The following CBL variants were observed in gnomAD, a reference collection of about 807,000 sequenced individuals.
The protein encoded by CBL is Cbl proto-oncogene, also known as E3 ubiquitin-protein ligase CBL.
CBL carries 45 observed loss-of-function variants against 96.9 expected under a neutral mutation model. That is an observed-to-expected ratio of 0.46 (90% CI 0.37 to 0.60). CBL has a LOEUF of 0.60. CBL is among the 20% of genes least tolerant of loss of function. The pLI is 0.00. For missense variants in CBL, 1,024 were observed against 1,143.5 expected (o/e 0.90, Z 1.51); for synonymous variants, 420 against 426.8 (o/e 0.98, Z 0.20).
In CBL at chr11:119,230,085, A is replaced by C. The variant is rs189543185; in HGVS notation, c.196-2363A>C. On this transcript the variant is annotated intron_variant, in intron 1 of 15. Coordinates refer to ENST00000264033, the MANE Select transcript of CBL (RefSeq NM_005188.4). ...ATATGTTATTGTCTATCCATAGACT[A>C]GAATTATTTAAATATCTCAAAAAAG... Among the ~76,000 whole-genome samples, 254 of 152,352 alleles carry C rather than the reference A, an allele frequency of 1.7e-3. 1 individual carries two copies. Among genetic ancestry groups the C allele is most frequent in the African/African-American group, 5.8e-3 (242 of 41,592 alleles).
chr11:119,247,529 T>C (rs144670669), intron 2 of CBL, among the ~76,000 whole-genome samples: 20 of 152,264 alleles, frequency 1.3e-4, no homozygotes, highest in African/African-American at 4.6e-4. Context: ...AGAAATCATT[T>C]GCCGGGTGTG....
At chr11:119,297,180 A>G in intron 13 of CBL, 146 bp downstream of exon 13, 1 of 762,944 alleles carries the variant, frequency 1.3e-6, no homozygotes, top group Admixed American at 1.8e-5. Context: ...TTAATGGTTT[A>G]AGCCTTTTGT....
intron 2 of CBL, among the ~76,000 whole-genome samples, chr11:119,242,128 G>A (rs1043816994): frequency 3.9e-5 from 6 of 152,110 alleles, no homozygotes; most frequent in Middle Eastern, 3.2e-3. Context: ...GACTAGGGAG[G>A]AGGAATTTAA....
intron 1 of CBL, among the ~76,000 whole-genome samples, chr11:119,212,423 C>T (rs1213048245): frequency 3.4e-5 from 5 of 146,160 alleles, no homozygotes; most frequent in Middle Eastern, 4.3e-3. Flanking sequence ...GTCAGGAGTT[C>T]AAGACCAGCC....
chr11:119,207,093 C>G (rs1394791135), intron 1 of CBL, among the ~76,000 whole-genome samples: 1 of 152,046 alleles, frequency 6.6e-6, no homozygotes, highest in Non-Finnish European at 1.5e-5. Flanking sequence ...AGGAACCTGG[C>G]TGGGGTCAGG....
chr11:119,229,709 A>G (rs773686538), intron 1 of CBL, among the ~76,000 whole-genome samples: 1 of 151,414 alleles, frequency 6.6e-6, no homozygotes, highest in African/African-American at 2.4e-5. Flanking sequence ...TTTTCATATT[A>G]TCATTTGAAG....
chr11:119,268,086 G>A (rs536610379), intron 2 of CBL, among the ~76,000 whole-genome samples: 51 of 152,334 alleles, frequency 3.3e-4, no homozygotes, highest in African/African-American at 8.9e-4. Context: ...AAGTTAGTTA[G>A]AAAGATAGGT....
chr11:119,261,709 T>A (rs2135288258), intron 2 of CBL, among the ~76,000 whole-genome samples: 1 of 152,378 alleles, frequency 6.6e-6, no homozygotes, highest in African/African-American at 2.4e-5. Context: ...CATGTAATTC[T>A]ACTTATTAAA....
chr11:119,243,089 C>A (rs1438822152), intron 2 of CBL, among the ~76,000 whole-genome samples: 2 of 151,942 alleles, frequency 1.3e-5, no homozygotes, highest in East Asian at 3.9e-4. Context: ...AACAGTCTGG[C>A]CAATGTAGTG....
chr11:119,227,364 T>A (rs148166230), intron 1 of CBL, among the ~76,000 whole-genome samples: 7 of 152,240 alleles, frequency 4.6e-5, no homozygotes, highest in African/African-American at 1.7e-4. Flanking sequence ...GGAATGTAAC[T>A]CCATTGTAAA....
Position 119,285,325 on chromosome 11 carries a change from G to T in CBL, c.1700G>T (p.Cys567Phe). ...ESRPQRRPLP[C>F]TPGDCPSRDK... ...CGACCTCAAAGACGCCCCTTGCCTT[G>T]TACACCAGGCGACTGTCCCTCCAGA... The change falls in exon 11 of 16, where the codon TGT (cysteine) becomes TTT (phenylalanine). Residue 567 changes from cysteine to phenylalanine, a missense_variant. Transcript: ENST00000264033. 6.2e-7 allele frequency: 1 copy of T among 1,614,086 alleles called. No homozygotes were observed.
rs1008027806 is a variant in CBL at position 119,305,194 on chromosome 11, A to G, written c.*5413A>G. 4.4e-6 allele frequency: 1 copy of G among 228,692 alleles called. No homozygotes were observed. Among genetic ancestry groups the G allele is most frequent in the African/African-American group, 2.2e-5 (1 of 45,096 alleles). 14.2% of individuals were successfully genotyped at this position (228,692 alleles called of 1,614,324 possible). On this transcript the variant is annotated 3_prime_UTR_variant, in exon 16 of 16. Transcript: ENST00000264033. ...GGACATCATAGAAATTCTTAGGTTT[A>G]ACTTAATTCTGGTCATTGTCTTCTT... is the stretch of plus-strand genomic sequence containing the variant.
Position 119,228,164 on chromosome 11 carries a change from A to G in CBL, c.196-4284A>G, listed in dbSNP as rs1223845186. Among the ~76,000 whole-genome samples, 5 of 151,798 alleles carry G rather than the reference A, an allele frequency of 3.3e-5. No individual in the cohort carries two copies. The South Asian group carries it at 6.2e-4, about 19-fold the overall frequency. On this transcript the variant is annotated intron_variant, in intron 1 of 15. Coordinates refer to ENST00000264033, the MANE Select transcript of CBL (RefSeq NM_005188.4). Reference sequence around the variant, plus strand: ...AGAGTCTCATTCCGTTGCCCAGGCTAGAATATGGTGGTGTGATCTTGGCTG... The same window carrying G: ...AGAGTCTCATTCCGTTGCCCAGGCTGGAATATGGTGGTGTGATCTTGGCTG...
chr11:119,291,314 C>T (rs1438465472), intron 12 of CBL, among the ~76,000 whole-genome samples: 1 of 152,126 alleles, frequency 6.6e-6, no homozygotes, highest in African/African-American at 2.4e-5. Context: ...GAGCCCAGGA[C>T]GTTGAGGCTG....
chr11:119,216,085 T>C (rs531513289), intron 1 of CBL, among the ~76,000 whole-genome samples: 62 of 152,324 alleles, frequency 4.1e-4, no homozygotes, highest in African/African-American at 1.3e-3. Flanking sequence ...CTATCATAGA[T>C]GGACCTGTGG....
chr11:119,230,853 C>T (rs1814578194), intron 1 of CBL, among the ~76,000 whole-genome samples: 1 of 152,244 alleles, frequency 6.6e-6, no homozygotes, highest in East Asian at 1.9e-4. Flanking sequence ...GGAATAAATC[C>T]AAATTTATTT....
At chr11:119,253,110 T>C (rs924506741) in intron 2 of CBL, among the ~76,000 whole-genome samples, 1 of 152,244 alleles carries the variant, frequency 6.6e-6, no homozygotes, top group East Asian at 1.9e-4. Flanking sequence ...TGGAAACAAG[T>C]TGCTTTTAAA....
In CBL at chr11:119,293,692, T is replaced by C. The variant is rs558011690; in HGVS notation, c.2037-3226T>C. Among the ~76,000 whole-genome samples, 4 of 152,320 alleles carry C rather than the reference T, an allele frequency of 2.6e-5. No homozygotes were observed. In the South Asian group the frequency reaches 6.2e-4, roughly 24 times the overall value. ...CATTATACCCCAAAATTCCTGTCTC[T>C]TCTTAGTCTGTTTTCTGTTGTCATA... On this transcript the variant is annotated intron_variant, in intron 12 of 15. Coordinates refer to ENST00000264033, the MANE Select transcript of CBL (RefSeq NM_005188.4).
chr11:119,293,388 G>C (rs759367643), intron 12 of CBL, among the ~76,000 whole-genome samples: 1 of 152,122 alleles, frequency 6.6e-6, no homozygotes, highest in Non-Finnish European at 1.5e-5. Flanking sequence ...GATTACAGAC[G>C]TGAGCCATCG....
Sources: gnomAD v4.1 joint callset for allele counts (sites outside exome capture counted in the v4.1 genomes callset) on GRCh38, gnomAD v4.1.1 for gene constraint, MANE v1.5 for transcripts, NCBI Gene and HGNC (gene_info 2026-07-23, HGNC 2026-07-21) for gene names.